MDGA2: variants seen among roughly 807,000 people sequenced by gnomAD.
MDGA2 encodes the protein MAM domain containing glycosylphosphatidylinositol anchor 2.
A neutral mutation model predicts 117.8 loss-of-function variants in MDGA2; 40 were observed. That is an observed-to-expected ratio of 0.34 (90% CI 0.26 to 0.44). The LOEUF (loss-of-function observed/expected upper bound fraction) is 0.44. Among genes scored for constraint, MDGA2 ranks in the 20% least tolerant of loss-of-function variants. The pLI, the probability that MDGA2 is intolerant of heterozygous loss-of-function variation, is 1.00. For synonymous variants in MDGA2, 452 were observed against 439.0 expected (o/e 1.03, Z -0.37); for missense variants, 1,123 against 1,250.6 (o/e 0.90, Z 1.54).
chr14:47,632,159 T>G (rs913298963), intron 1 of MDGA2, among the ~76,000 whole-genome samples: 10 of 152,184 alleles, frequency 6.6e-5, no homozygotes, highest in African/African-American at 2.4e-4. Flanking sequence ...AAATTAGACA[T>G]GTCTGCAGTC....
intron 9 of MDGA2, among the ~76,000 whole-genome samples, chr14:46,922,432 C>T (rs911607551): frequency 6.6e-6 from 1 of 152,086 alleles, no homozygotes; most frequent in African/African-American, 2.4e-5. Flanking sequence ...ATTTGCCTGT[C>T]AAACTGGATT....
At chr14:47,009,421 A>G (rs1212910243) in intron 8 of MDGA2, among the ~76,000 whole-genome samples, 3 of 152,050 alleles carry the variant, frequency 2.0e-5, no homozygotes, top group Non-Finnish European at 4.4e-5. Context: ...AAACTTTTTT[A>G]CCTCATTACC....
intron 6 of MDGA2, among the ~76,000 whole-genome samples, chr14:47,074,671 T>G (rs1890425850): frequency 6.6e-6 from 1 of 152,236 alleles, no homozygotes; most frequent in African/African-American, 2.4e-5. Flanking sequence ...CCTGCTGCAT[T>G]TGCTGTATAC....
chr14:47,537,435 C>A (rs879521662), intron 1 of MDGA2, among the ~76,000 whole-genome samples: 5 of 151,146 alleles, frequency 3.3e-5, no homozygotes, highest in African/African-American at 4.9e-5. Context: ...TGCACATGTA[C>A]CCTAAAACTT....
intron 8 of MDGA2, among the ~76,000 whole-genome samples, chr14:46,978,830 C>G (rs1274417693): frequency 6.6e-6 from 1 of 152,114 alleles, no homozygotes; most frequent in South Asian, 2.1e-4. Flanking sequence ...ATGGTAACTA[C>G]ATTTTTCTTA....
chr14:47,203,642 G>T (rs1023958680), intron 3 of MDGA2, among the ~76,000 whole-genome samples: 3 of 151,912 alleles, frequency 2.0e-5, no homozygotes, highest in African/African-American at 7.2e-5. Context: ...CAGTGACAGA[G>T]AAAGAGAAGT....
intron 8 of MDGA2, among the ~76,000 whole-genome samples, chr14:46,967,429 T>G (rs56302055): frequency 0.04 from 6,088 of 152,238 alleles, 406 homozygotes; most frequent in African/African-American, 0.14. Context: ...AATGCAATAT[T>G]TATAAAAGAA....
At chr14:47,636,522 G>A (rs1387070063) in intron 1 of MDGA2, among the ~76,000 whole-genome samples, 1 of 152,050 alleles carries the variant, frequency 6.6e-6, no homozygotes, top group South Asian at 2.1e-4. Context: ...AGTAGCTCAC[G>A]CTTGTAATCC....
At chr14:47,503,701 G>C (rs1334407353) in intron 1 of MDGA2, among the ~76,000 whole-genome samples, 1 of 152,098 alleles carries the variant, frequency 6.6e-6, no homozygotes, top group Non-Finnish European at 1.5e-5. Flanking sequence ...ACTGCGCCCG[G>C]CCTCCTCTAC....
chr14:47,037,008 A>G (rs931789109), intron 7 of MDGA2, among the ~76,000 whole-genome samples: 1 of 152,266 alleles, frequency 6.6e-6, no homozygotes, highest in Non-Finnish European at 1.5e-5. Flanking sequence ...ATATATGTTT[A>G]AAACGGCTCC....
chr14:46,845,247 A>G (rs1309203066), intron 16 of MDGA2, among the ~76,000 whole-genome samples: 2 of 152,144 alleles, frequency 1.3e-5, no homozygotes, highest in African/African-American at 4.8e-5. Flanking sequence ...TGCCTTGTGA[A>G]GAAGGTACTC....
At chr14:47,073,613 T>C (rs1466111488) in intron 6 of MDGA2, among the ~76,000 whole-genome samples, 2 of 152,156 alleles carry the variant, frequency 1.3e-5, no homozygotes, top group African/African-American at 4.8e-5. Flanking sequence ...AAAAATTTGA[T>C]AAAGACAAAG....
chr14:47,003,042 C>G (rs539756513), intron 8 of MDGA2, among the ~76,000 whole-genome samples: 80 of 152,238 alleles, frequency 5.3e-4, no homozygotes, highest in African/African-American at 1.9e-3. Context: ...ATGATCTACT[C>G]TCTCTCACCG....
intron 1 of MDGA2, among the ~76,000 whole-genome samples, chr14:47,633,550 T>A (rs1897275211): frequency 6.6e-6 from 1 of 152,100 alleles, no homozygotes; most frequent in Admixed American, 6.6e-5. Flanking sequence ...ATAAATAAAT[T>A]CATAGGTAAA....
At chr14:47,643,092 G>A (rs1033688403) in intron 1 of MDGA2, among the ~76,000 whole-genome samples, 39 of 151,846 alleles carry the variant, frequency 2.6e-4, no homozygotes, top group African/African-American at 8.7e-4. Context: ...TTGTTATTCT[G>A]GATAAATCAC....
intron 3 of MDGA2, among the ~76,000 whole-genome samples, chr14:47,168,641 A>G (rs764363510): frequency 1.2e-4 from 18 of 152,152 alleles, no homozygotes; most frequent in Admixed American, 2.0e-4. Flanking sequence ...ACTGAGTTCT[A>G]GAAACAAAGA....
chr14:47,371,224 C>A (rs947279843), intron 1 of MDGA2, among the ~76,000 whole-genome samples: 1 of 151,734 alleles, frequency 6.6e-6, no homozygotes, highest in Non-Finnish European at 1.5e-5. Flanking sequence ...TATTAAGCAA[C>A]AATTATGATA....
chr14:46,902,685 A>AT (rs1883334577), intron 10 of MDGA2, among the ~76,000 whole-genome samples: 1 of 152,292 alleles, frequency 6.6e-6, no homozygotes, highest in Admixed American at 6.5e-5. Context: ...GTCTACTTTT[A>AT]TTGCTTCATA....
intron 2 of MDGA2, among the ~76,000 whole-genome samples, chr14:47,239,838 C>T (rs1025354574): frequency 3.3e-5 from 5 of 151,712 alleles, no homozygotes; most frequent in African/African-American, 9.7e-5. Context: ...TTTGAAACAA[C>T]GGGCTTTATA....
Sources: gnomAD v4.1 joint callset for allele counts (sites outside exome capture counted in the v4.1 genomes callset) on GRCh38, gnomAD v4.1.1 for gene constraint, MANE v1.5 for transcripts, NCBI Gene and HGNC (gene_info 2026-07-23, HGNC 2026-07-21) for gene names.